CALN1: variants seen among roughly 807,000 people sequenced by gnomAD.
CALN1 encodes the protein calneuron 1, also known as calcium-binding protein 8.
Under a neutral mutation model 30.6 loss-of-function variants are expected in CALN1, and 17 were observed. The observed-to-expected ratio is 0.56, with a 90% CI of 0.38 to 0.83. The LOEUF (loss-of-function observed/expected upper bound fraction) is 0.83. Ranked by LOEUF, CALN1 falls within the 40% of genes least tolerant of loss-of-function variation. The pLI is 0.00. For missense variants in CALN1, 291 were observed against 354.9 expected (o/e 0.82, Z 1.45); for synonymous variants, 156 against 131.4 (o/e 1.19, Z -1.28).
intron 3 of CALN1, among the ~76,000 whole-genome samples, chr7:72,276,974 C>G (rs969949957): frequency 2.0e-5 from 3 of 152,348 alleles, no homozygotes; most frequent in South Asian, 4.1e-4. Context: ...GAAAGTGGCC[C>G]TCCCCAGACA....
intron 2 of CALN1, among the ~76,000 whole-genome samples, chr7:72,362,621 T>C (rs1182061874): frequency 6.6e-6 from 1 of 152,190 alleles, no homozygotes; most frequent in Non-Finnish European, 1.5e-5. Flanking sequence ...CACACTCTTT[T>C]ACCGCAAGTT....
intron 5 of CALN1, among the ~76,000 whole-genome samples, chr7:71,842,879 A>C (rs1331659529): frequency 6.6e-6 from 1 of 152,172 alleles, no homozygotes; most frequent in Non-Finnish European, 1.5e-5. Flanking sequence ...ACTACATTAG[A>C]CTGTCATATT....
intron 2 of CALN1, among the ~76,000 whole-genome samples, chr7:72,360,662 G>C (rs1437790182): frequency 6.9e-6 from 1 of 144,878 alleles, no homozygotes; most frequent in African/African-American, 2.5e-5. Flanking sequence ...GTGCAGATTT[G>C]TTACATATGT....
intron 5 of CALN1, among the ~76,000 whole-genome samples, chr7:71,976,352 A>C (rs1179477728): frequency 1.3e-5 from 2 of 152,112 alleles, no homozygotes; most frequent in African/African-American, 4.8e-5. Flanking sequence ...TCCTTTGTGG[A>C]GCTAGGTCAT....
At chr7:71,932,828 A>G (rs1438658737) in intron 5 of CALN1, among the ~76,000 whole-genome samples, 1 of 151,794 alleles carries the variant, frequency 6.6e-6, no homozygotes, top group Non-Finnish European at 1.5e-5. Flanking sequence ...AAAAAAAAAA[A>G]AAAAGAGAAG....
chr7:72,157,478 G>A (rs1787779547), intron 3 of CALN1, among the ~76,000 whole-genome samples: 1 of 152,100 alleles, frequency 6.6e-6, no homozygotes, highest in South Asian at 2.1e-4. Context: ...GGTCCGGAAA[G>A]TTTCCCAGAG....
intron 3 of CALN1, among the ~76,000 whole-genome samples, chr7:72,146,456 C>T (rs894017906): frequency 4.6e-5 from 7 of 151,960 alleles, no homozygotes; most frequent in African/African-American, 1.7e-4. Context: ...CACTACTCAA[C>T]GAAATAAAAG....
At chr7:72,089,109 TAA>T (rs1194600832) in intron 4 of CALN1, among the ~76,000 whole-genome samples, 3 of 152,182 alleles carry the variant, frequency 2.0e-5, no homozygotes, top group African/African-American at 2.4e-5. Flanking sequence ...TTGAAAATAA[TAA>T]AAGTTGTAAA....
chr7:71,831,020 C>T (rs1789243053), intron 5 of CALN1, among the ~76,000 whole-genome samples: 1 of 152,064 alleles, frequency 6.6e-6, no homozygotes, highest in Non-Finnish European at 1.5e-5. Flanking sequence ...AATGAATCAC[C>T]TAAGTTCTCT....
intron 5 of CALN1, among the ~76,000 whole-genome samples, chr7:71,948,664 G>A (rs530109229): frequency 2.0e-5 from 3 of 151,022 alleles, no homozygotes; most frequent in Non-Finnish European, 2.9e-5. Context: ...ACAGGAGGTA[G>A]AGATTGCAGT....
At chr7:72,451,315 G>A (rs10254456), upstream of CALN1, among the ~76,000 whole-genome samples, 15,931 of 146,114 alleles carry the variant, frequency 0.11, 1,764 homozygotes, top group African/African-American at 0.28. Context: ...GAAGAAGGAG[G>A]AGGAGCAGGA....
At chr7:72,285,616 C>G (rs1332769439) in intron 2 of CALN1, among the ~76,000 whole-genome samples, 1 of 152,176 alleles carries the variant, frequency 6.6e-6, no homozygotes, top group Middle Eastern at 3.2e-3. Flanking sequence ...TCCTTCCTCA[C>G]AAATAGTTTG....
At chr7:72,231,502 G>A (rs1022861399) in intron 3 of CALN1, among the ~76,000 whole-genome samples, 12 of 152,098 alleles carry the variant, frequency 7.9e-5, no homozygotes, top group Non-Finnish European at 1.6e-4. Context: ...CATGGTATAT[G>A]TACCACATTT....
intron 3 of CALN1, among the ~76,000 whole-genome samples, chr7:72,187,647 G>T (rs1212100119): frequency 1.3e-5 from 2 of 152,154 alleles, no homozygotes; most frequent in East Asian, 3.9e-4. Context: ...CCATGAAACT[G>T]GTCCCTGCTG....
chr7:71,870,842 C>T (rs58040485), intron 5 of CALN1, among the ~76,000 whole-genome samples: 37,502 of 152,074 alleles, frequency 0.25, 4,976 homozygotes, highest in African/African-American at 0.32. Context: ...GTTGGGTTGG[C>T]CTTGCATGGT....
chr7:72,005,528 T>C (rs995895275), intron 5 of CALN1, among the ~76,000 whole-genome samples: 13 of 152,018 alleles, frequency 8.6e-5, no homozygotes, highest in Admixed American at 3.9e-4. Flanking sequence ...ATGGGGTTTC[T>C]GCCATGTTTC....
chr7:71,875,909 G>A lies in CALN1; in HGVS notation c.502-65417C>T, dbSNP rs574596804. ...GAAAAAGGTAGTGCTCACAGACCAT[G>A]GTCAGTAGCAAAGTGTCCCTGACCA... On this transcript the variant is annotated intron_variant, in intron 5 of 6. Transcript: ENST00000395275. Among the ~76,000 whole-genome samples, 76 of 152,260 alleles carry A rather than the reference G, an allele frequency of 5.0e-4. 1 individual carries two copies. Among genetic ancestry groups the A allele is most frequent in the African/African-American group, 1.8e-3 (74 of 41,542 alleles).
At chr7:72,249,635 C>CTACAAAAAA (rs1220824285) in intron 3 of CALN1, among the ~76,000 whole-genome samples, 1 of 152,092 alleles carries the variant, frequency 6.6e-6, no homozygotes, top group African/African-American at 2.4e-5. Flanking sequence ...AACCCTGTCT[C>CTACAAAAAA]TACAAAAAAT....
intron 2 of CALN1, among the ~76,000 whole-genome samples, chr7:72,289,467 A>C (rs1330947505): frequency 6.6e-6 from 1 of 152,244 alleles, no homozygotes; most frequent in Non-Finnish European, 1.5e-5. Flanking sequence ...AGGCAGTGAT[A>C]TACTGGTAAA....
Sources: gnomAD v4.1 joint callset for allele counts (sites outside exome capture counted in the v4.1 genomes callset) on GRCh38, gnomAD v4.1.1 for gene constraint, MANE v1.5 for transcripts, NCBI Gene and HGNC (gene_info 2026-07-23, HGNC 2026-07-21) for gene names.